The following MCCC2 variants were observed in gnomAD, a reference collection of about 807,000 sequenced individuals.
MCCC2 encodes methylcrotonyl-CoA carboxylase subunit 2.
A neutral mutation model predicts 77.2 loss-of-function variants in MCCC2; 52 were observed. That is an observed-to-expected ratio of 0.67 (90% CI 0.54 to 0.85). The LOEUF (loss-of-function observed/expected upper bound fraction) is 0.85, where lower values mean the gene tolerates loss of function less well. MCCC2 is among the 40% of genes least tolerant of loss of function. The pLI is 0.00. For missense variants in MCCC2, 682 were observed against 703.2 expected (o/e 0.97, Z 0.34); for synonymous variants, 253 against 248.4 (o/e 1.02, Z -0.18).
At chr5:71,605,529 G>T (rs1003558073) in intron 6 of MCCC2, among the ~76,000 whole-genome samples, 28 of 150,792 alleles carry the variant, frequency 1.9e-4, no homozygotes, top group African/African-American at 6.1e-4. Context: ...TTTGTAGGTT[G>T]CCTGTTCACT....
chr5:71,608,695 G>A (rs1256261334), intron 6 of MCCC2, among the ~76,000 whole-genome samples: 5 of 152,178 alleles, frequency 3.3e-5, no homozygotes, highest in African/African-American at 1.2e-4. Flanking sequence ...ATTTTGGCTT[G>A]ATTTTTGCAG....
chr5:71,594,218 C>T (rs1745088475), intron 2 of MCCC2, among the ~76,000 whole-genome samples: 1 of 152,050 alleles, frequency 6.6e-6, no homozygotes, highest in South Asian at 2.1e-4. Context: ...CTCACTGTCC[C>T]CCTTAGACAT....
intron 3 of MCCC2, among the ~76,000 whole-genome samples, chr5:71,596,968 G>A (rs748236168): frequency 6.6e-6 from 1 of 151,998 alleles, no homozygotes; most frequent in Admixed American, 6.6e-5. Context: ...AAATTCTGTA[G>A]TGTGTTAGTA....
In MCCC2 at chr5:71,640,949, C is replaced by T. The variant is rs1747104948; in HGVS notation, c.1000-54C>T. ...TGTTTTCCTATAAGTAACTTTAATA[C>T]AAAAATTCTTTTGCAATATAATTTC... On this transcript the variant is annotated intron_variant, in intron 10 of 16. Coordinates refer to ENST00000340941, the MANE Select transcript of MCCC2 (RefSeq NM_022132.5). 4 of 1,500,772 alleles carry T rather than the reference C, an allele frequency of 2.7e-6. No individual in the cohort carries two copies. The East Asian group carries it at 6.8e-5, about 25-fold the overall frequency. 93.0% of individuals were successfully genotyped at this position (1,500,772 alleles called of 1,614,324 possible). A position where few individuals can be genotyped will look rare whatever the true frequency, so the allele number is the denominator to read the frequency against.
intron 3 of MCCC2, among the ~76,000 whole-genome samples, chr5:71,598,448 T>A (rs451229): frequency 0.34 from 50,831 of 151,560 alleles, 10,747 homozygotes; most frequent in Non-Finnish European, 0.46. Flanking sequence ...TAATTAATTA[T>A]TTATTTTTTG....
At chr5:71,600,569 G>A (rs1287751804) in intron 4 of MCCC2, among the ~76,000 whole-genome samples, 2 of 152,094 alleles carry the variant, frequency 1.3e-5, no homozygotes, top group African/African-American at 2.4e-5. Context: ...GGGATCACAA[G>A]CATGAGCCAT....
intron 6 of MCCC2, among the ~76,000 whole-genome samples, chr5:71,610,713 G>A (rs918553460): frequency 6.6e-6 from 1 of 152,168 alleles, no homozygotes; most frequent in Admixed American, 6.5e-5. Context: ...TAGGCCAGGC[G>A]CGGTGGCTCA....
At chr5:71,618,775 C>G (rs537966617) in intron 6 of MCCC2, among the ~76,000 whole-genome samples, 2 of 152,132 alleles carry the variant, frequency 1.3e-5, no homozygotes, top group African/African-American at 2.4e-5. Context: ...GTTTCCATGT[C>G]TGGCTTTTTA....
At chr5:71,646,073 A>AG in intron 12 of MCCC2, 138 bp from the exon 13 acceptor site, 1 of 668,166 alleles carries the variant, frequency 1.5e-6, no homozygotes, top group South Asian at 1.8e-5. Flanking sequence ...TTAAAAAAAA[A>AG]AAATTAATAA....
intron 1 of MCCC2, among the ~76,000 whole-genome samples, chr5:71,591,665 G>A (rs552911667): frequency 1.3e-5 from 2 of 152,016 alleles, no homozygotes; most frequent in Non-Finnish European, 2.9e-5. Context: ...TCGAACTCCC[G>A]ACCGTAGGTG....
Position 71,602,617 on chromosome 5 carries a change from C to A in MCCC2, c.495C>A (p.Leu165=). The A allele has an allele frequency of 6.2e-7, 1 of 1,614,108 alleles. No homozygotes were observed. The highest frequency in any genetic ancestry group is 8.5e-7 in the Non-Finnish European group (1 of 1,180,018). The change falls in exon 5 of 17, where the codon CTC becomes CTA. Residue 165 remains leucine, a synonymous_variant. Transcript: ENST00000340941. ...RAQEIAMQNR[L]PCIYLVDSGG... ...AAGAAATTGCCATGCAAAACAGGCT[C>A]CCCTGCATCTACTTAGGCAAGTCAC...
chr5:71,604,539 G>A, intron 6 of MCCC2, 71 bp downstream of exon 6: 3 of 1,167,320 alleles, frequency 2.6e-6, no homozygotes, highest in Non-Finnish European at 3.8e-6. Context: ...TAGGTACTCT[G>A]GGATGGCTTG....
At chr5:71,598,825 C>G (rs1745305886) in intron 3 of MCCC2, among the ~76,000 whole-genome samples, 1 of 152,074 alleles carries the variant, frequency 6.6e-6, no homozygotes, top group Non-Finnish European at 1.5e-5. Context: ...AGTCACAGTT[C>G]TCTGCAGCCT....
intron 1 of MCCC2, among the ~76,000 whole-genome samples, chr5:71,589,263 T>G (rs1744879439): frequency 6.6e-6 from 1 of 152,252 alleles, no homozygotes; most frequent in South Asian, 2.1e-4. Context: ...TTTGTATGAA[T>G]CACCTTTTGC....
chr5:71,607,258 G>GA (rs1462293440), intron 6 of MCCC2, among the ~76,000 whole-genome samples: 1 of 152,020 alleles, frequency 6.6e-6, no homozygotes, highest in African/African-American at 2.4e-5. Flanking sequence ...TTCAGCTCCT[G>GA]TTATTGGTCT....
intron 7 of MCCC2, among the ~76,000 whole-genome samples, chr5:71,631,544 T>C (rs867849177): frequency 9.6e-4 from 142 of 148,648 alleles, no homozygotes; most frequent in African/African-American, 3.3e-3. Flanking sequence ...TCTTCTTTTT[T>C]TTTTTTTTTT....
intron 8 of MCCC2, among the ~76,000 whole-genome samples, chr5:71,633,428 G>T (rs1746812230): frequency 6.6e-6 from 1 of 151,982 alleles, no homozygotes; most frequent in Non-Finnish European, 1.5e-5. Context: ...CATAGATAAA[G>T]TGAAAATTGT....
intron 5 of MCCC2, 187 bp downstream of exon 5, chr5:71,602,820 A>G (rs1340778476): frequency 1.3e-6 from 1 of 778,324 alleles, no homozygotes; most frequent in Non-Finnish European, 2.0e-6. Flanking sequence ...TGTTCATAGT[A>G]CTAGTGCATA....
intron 8 of MCCC2, among the ~76,000 whole-genome samples, chr5:71,632,984 A>G (rs1249741541): frequency 6.6e-6 from 1 of 150,626 alleles, no homozygotes; most frequent in African/African-American, 2.4e-5. Flanking sequence ...GGTTGCCATT[A>G]TGATTATTTT....
Sources: gnomAD v4.1 joint callset for allele counts (sites outside exome capture counted in the v4.1 genomes callset) on GRCh38, gnomAD v4.1.1 for gene constraint, MANE v1.5 for transcripts, NCBI Gene and HGNC (gene_info 2026-07-23, HGNC 2026-07-21) for gene names.